The following ATAD1 variants were observed in gnomAD, a reference collection of about 807,000 sequenced individuals.
ATAD1 encodes the protein outer mitochondrial transmembrane helix translocase.
Under a neutral mutation model 42.7 loss-of-function variants are expected in ATAD1, and 18 were observed. That is an observed-to-expected ratio of 0.42 (90% CI 0.29 to 0.63). ATAD1 has a LOEUF of 0.63. Ranked by LOEUF, ATAD1 falls within the 20% of genes least tolerant of loss-of-function variation. The probability of loss-of-function intolerance (pLI) is 0.19; values close to 1 mark genes in which losing one functional copy is unlikely to be tolerated. For missense variants in ATAD1, 294 were observed against 440.4 expected, an observed-to-expected ratio of 0.67 and a Z score of 2.98; for synonymous variants, 132 against 143.1, an observed-to-expected ratio of 0.92 and a Z score of 0.55.
chr10:87,833,495 A>G (rs533861198), intron 1 of ATAD1, among the ~76,000 whole-genome samples: 1 of 152,284 alleles, frequency 6.6e-6, no homozygotes, highest in South Asian at 2.1e-4. Flanking sequence ...TGAAATTCCA[A>G]TATAATGTCA....
At chr10:87,778,872 C>CA (rs1448408681) in intron 5 of ATAD1, among the ~76,000 whole-genome samples, 1 of 151,998 alleles carries the variant, frequency 6.6e-6, no homozygotes, top group Non-Finnish European at 1.5e-5. Flanking sequence ...AAAATTAACA[C>CA]AAAATGGATC....
At chr10:87,788,148 A>G (rs555879007) in intron 4 of ATAD1, among the ~76,000 whole-genome samples, 1 of 152,340 alleles carries the variant, frequency 6.6e-6, no homozygotes, top group East Asian at 1.9e-4. Flanking sequence ...TCAACTTTGT[A>G]TCTATACACA....
chr10:87,777,226 T>C (rs1855345539), intron 5 of ATAD1, among the ~76,000 whole-genome samples: 1 of 152,210 alleles, frequency 6.6e-6, no homozygotes, highest in Non-Finnish European at 1.5e-5. Flanking sequence ...CTGAACCCTA[T>C]GTGCTCTTAG....
intron 1 of ATAD1, among the ~76,000 whole-genome samples, chr10:87,823,503 TCCCC>T (rs991551996): frequency 6.6e-6 from 1 of 152,190 alleles, no homozygotes; most frequent in Non-Finnish European, 1.5e-5. Flanking sequence ...GAAAGAGTGA[TCCCC>T]CTAGGATTAA....
intron 8 of ATAD1, among the ~76,000 whole-genome samples, chr10:87,763,080 CAAAAAAAAAAAA>C (rs71019501): frequency 2.3e-4 from 6 of 26,532 alleles, no homozygotes; most frequent in Non-Finnish European, 4.5e-4. Flanking sequence ...GACTCTGTCA[CAAAAAAAAAAAA>C]AAAAAAAAAA....
At chr10:87,787,218 CTG>C (rs758287738) in intron 4 of ATAD1, among the ~76,000 whole-genome samples, 2 of 152,188 alleles carry the variant, frequency 1.3e-5, no homozygotes, top group Admixed American at 1.3e-4. Flanking sequence ...CAAATAAAAA[CTG>C]TGTTTATTAT....
intron 2 of ATAD1, among the ~76,000 whole-genome samples, chr10:87,803,621 T>G (rs2132012443): frequency 6.6e-6 from 1 of 152,342 alleles, no homozygotes; most frequent in African/African-American, 2.4e-5. Context: ...ATTTTACATA[T>G]GCTGACTGAC....
intron 1 of ATAD1, among the ~76,000 whole-genome samples, chr10:87,833,727 C>CT (rs3033524): frequency 0.34 from 33,974 of 100,688 alleles, 7,203 homozygotes; most frequent in Non-Finnish European, 0.43. Context: ...TCTTTCTTTC[C>CT]TTTTTTTTTT....
intron 2 of ATAD1, among the ~76,000 whole-genome samples, chr10:87,806,297 AC>A (rs1291729526): frequency 6.6e-6 from 1 of 151,780 alleles, no homozygotes; most frequent in African/African-American, 2.4e-5. Flanking sequence ...TTAAGTTCTT[AC>A]AGTGCTTTTA....
intron 7 of ATAD1, among the ~76,000 whole-genome samples, 162 bp from the exon 8 acceptor site, chr10:87,767,885 G>C (rs1359068890): frequency 6.6e-6 from 1 of 151,980 alleles, no homozygotes; most frequent in Non-Finnish European, 1.5e-5. Context: ...CAAGGCTCTA[G>C]AGTAATTATC....
Position 87,776,477 on chromosome 10 carries a change from C to T in ATAD1, c.584-50G>A, listed in dbSNP as rs978497350. ...TAGAAATTAAGAATTAATTATTTAC[C>T]CTTTTTTTTGAGACAGGGTCTCACT... On this transcript the variant is annotated intron_variant, in intron 5 of 9. Coordinates refer to ENST00000680024, the MANE Select transcript of ATAD1 (RefSeq NM_001321967.2). 8 of 1,486,066 alleles carry T rather than the reference C, an allele frequency of 5.4e-6. No individual in the cohort carries two copies. In the African/African-American group the frequency reaches 8.4e-5, roughly 16 times the overall value. The allele number at this position is 1,486,066 out of a possible 1,614,324, so 92.1% of individuals were successfully genotyped here.
rs1223033476 is a variant in ATAD1 at position 87,762,841 on chromosome 10, C to A, written c.831+4832G>T. ...ATCCCAGCACTTTAGGAGGCTGAGG[C>A]GGGCGGATCATGAGGTCAGGAGTCC... On this transcript the variant is annotated intron_variant, in intron 8 of 9. Transcript: ENST00000680024. 2.1e-5 allele frequency among the ~76,000 whole-genome samples: 3 copies of A among 144,884 alleles called. 1 individual carries two copies.
chr10:87,833,870 A>G (rs1025706952), intron 1 of ATAD1, among the ~76,000 whole-genome samples: 3 of 151,752 alleles, frequency 2.0e-5, no homozygotes, highest in African/African-American at 7.3e-5. Flanking sequence ...GACTACAGTC[A>G]TGTGCCACCA....
At chr10:87,758,175 C>T (rs1039731383) in intron 8 of ATAD1, among the ~76,000 whole-genome samples, 1 of 152,050 alleles carries the variant, frequency 6.6e-6, no homozygotes, top group Non-Finnish European at 1.5e-5. Context: ...GAGACATCTA[C>T]ATTAAAGTAC....
In ATAD1 at chr10:87,794,003, T is replaced by C. The variant is rs113538361; in HGVS notation, c.163-1248A>G. Among the ~76,000 whole-genome samples the C allele has an allele frequency of 7.9e-3, 1,195 of 151,864 alleles. 11 individuals carry two copies. The highest frequency in any genetic ancestry group is 0.028 in the African/African-American group (1,141 of 41,412). ...ACTTTGGAAGGCTGAGTTGGGAGGA[T>C]TGCTTGAACCCAGGAGTTCGAGACC... On this transcript the variant is annotated intron_variant, in intron 2 of 9. Transcript: ENST00000680024.
intron 2 of ATAD1, among the ~76,000 whole-genome samples, chr10:87,795,318 C>A (rs117229632): frequency 6.6e-6 from 1 of 151,994 alleles, no homozygotes; most frequent in Non-Finnish European, 1.5e-5. Flanking sequence ...TATACAATTG[C>A]CTAGTTTTGA....
At chr10:87,817,082 T>A (rs974669659) in intron 1 of ATAD1, among the ~76,000 whole-genome samples, 2 of 152,254 alleles carry the variant, frequency 1.3e-5, no homozygotes, top group African/African-American at 2.4e-5. Flanking sequence ...TTAGGTCTAC[T>A]AAGGCCACTT....
intron 2 of ATAD1, among the ~76,000 whole-genome samples, chr10:87,810,827 G>A (rs1380585596): frequency 2.0e-5 from 3 of 152,024 alleles, no homozygotes; most frequent in African/African-American, 7.2e-5. Flanking sequence ...GCCTTTTGGG[G>A]TTCTAGATTT....
At chr10:87,814,737 T>C (rs1857338483) in intron 1 of ATAD1, 125 bp from the exon 2 acceptor site, 1 of 672,024 alleles carries the variant, frequency 1.5e-6, no homozygotes, top group Non-Finnish European at 2.1e-6. Flanking sequence ...ATTACCTACC[T>C]TAAAAAAAGT....
Sources: gnomAD v4.1 joint callset for allele counts (sites outside exome capture counted in the v4.1 genomes callset) on GRCh38, gnomAD v4.1.1 for gene constraint, MANE v1.5 for transcripts, NCBI Gene and HGNC (gene_info 2026-07-23, HGNC 2026-07-21) for gene names.